HARBI1: variants seen among roughly 807,000 people sequenced by gnomAD.
HARBI1 encodes the protein putative nuclease HARBI1.
A neutral mutation model predicts 25.3 loss-of-function variants in HARBI1; 15 were observed. The observed-to-expected ratio is 0.59, with a 90% CI of 0.40 to 0.91. The LOEUF is 0.91. Ranked by LOEUF, HARBI1 falls within the 40% of genes least tolerant of loss-of-function variation. HARBI1 has a pLI of 0.00. For synonymous variants in HARBI1, 168 were observed against 160.5 expected (o/e 1.05, Z -0.35); for missense variants, 396 against 445.8 (o/e 0.89, Z 1.01).
intron 2 of HARBI1, among the ~76,000 whole-genome samples, chr11:46,606,873 C>T (rs746311683): frequency 8.5e-5 from 13 of 152,160 alleles, no homozygotes; most frequent in Non-Finnish European, 1.9e-4. Context: ...AACTCCTGGC[C>T]TCAAGCATTC....
In HARBI1 at chr11:46,615,779, C is replaced by A; in HGVS notation, c.459G>T (p.Val153=). The change falls in exon 2 of 3, where the codon GTG becomes GTT. Residue 153 remains valine, a synonymous_variant. Transcript: ENST00000326737. ...GVMGVVDCIH[V]AIKAPNAEDL... ...CTTCAGCATTTGGTGCCTTGATGGC[C>A]ACATGGATACAGTCAACCACCCCCA... 6.2e-7 allele frequency: 1 copy of A among 1,614,196 alleles called. No individual in the cohort carries two copies. The highest frequency in any genetic ancestry group is 8.5e-7 in the Non-Finnish European group (1 of 1,180,032).
At chr11:46,612,093 A>G (rs1003095586) in intron 2 of HARBI1, among the ~76,000 whole-genome samples, 2 of 152,194 alleles carry the variant, frequency 1.3e-5, no homozygotes, top group African/African-American at 4.8e-5. Context: ...CATGTTAAAG[A>G]GAAGTATTTC....
chr11:46,617,542 C>T (rs1242481952), upstream of HARBI1: 9 of 168,402 alleles, frequency 5.3e-5, 1 homozygote, highest in South Asian at 7.8e-4. Context: ...CCTCTTTCAC[C>T]CCCCCCCCCC....
At chr11:46,615,253 GCT>G (rs2045333320) in intron 2 of HARBI1, among the ~76,000 whole-genome samples, 1 of 144,636 alleles carries the variant, frequency 6.9e-6, no homozygotes, top group Non-Finnish European at 1.5e-5. Context: ...TGGAGTTTTT[GCT>G]CTGTTGCCCA....
At chr11:46,606,771 T>C (rs2044969985) in intron 2 of HARBI1, among the ~76,000 whole-genome samples, 1 of 151,688 alleles carries the variant, frequency 6.6e-6, no homozygotes, top group East Asian at 1.9e-4. Context: ...CCCTCCTGAG[T>C]AGCTGGGATT....
chr11:46,612,692 CAG>C (rs1161530596), intron 2 of HARBI1, among the ~76,000 whole-genome samples: 6 of 144,120 alleles, frequency 4.2e-5, no homozygotes, highest in Non-Finnish European at 9.0e-5. Context: ...TTTTTTGAGA[CAG>C]AGTTTCGTTC....
chr11:46,613,124 C>A (rs964508170), intron 2 of HARBI1, among the ~76,000 whole-genome samples: 6 of 151,702 alleles, frequency 4.0e-5, no homozygotes, highest in African/African-American at 9.7e-5. Flanking sequence ...GGACTACAGG[C>A]ATGCGCCACC....
chr11:46,616,254 G>A lies in HARBI1; in HGVS notation c.-17C>T, dbSNP rs778701567. On this transcript the variant is annotated 5_prime_UTR_variant, in exon 2 of 3. Transcript: ENST00000326737. The stretch of plus-strand genomic sequence containing the variant: ...TATAGCCATGGTAAATGTGAATGTT[G>A]GCTCTCCTCTTTGCTTTTTCTGAAC... 1 of 1,589,654 alleles carries A rather than the reference G, an allele frequency of 6.3e-7. No homozygotes were observed. The highest frequency in any genetic ancestry group is 8.5e-7 in the Non-Finnish European group (1 of 1,170,768).
At position 46,603,405 on chromosome 11, in the gene HARBI1, A is replaced by T; in HGVS notation, c.*125T>A. ...CCAACCTTACCAAAACACACATATT[A>T]AATGTCAGTTTATGACAAGTATCTG... is the stretch of plus-strand genomic sequence containing the variant. On this transcript the variant is annotated 3_prime_UTR_variant, in exon 3 of 3. Coordinates refer to ENST00000326737, the MANE Select transcript of HARBI1 (RefSeq NM_173811.4). 1.2e-6 allele frequency: 1 copy of T among 863,032 alleles called. No homozygotes were observed. Among genetic ancestry groups the T allele is most frequent in the Non-Finnish European group, 1.8e-6 (1 of 553,390 alleles). The allele number at this position is 863,032 out of a possible 1,614,324, so 53.5% of individuals were successfully genotyped here.
intron 2 of HARBI1, among the ~76,000 whole-genome samples, chr11:46,606,730 A>C (rs994666610): frequency 6.6e-5 from 10 of 151,148 alleles, no homozygotes; most frequent in Non-Finnish European, 1.3e-4. Flanking sequence ...GCAACCTCAA[A>C]CTCCTGAGCT....
chr11:46,617,770 G>T, upstream of HARBI1: 1 of 399,096 alleles, frequency 2.5e-6, no homozygotes, highest in Non-Finnish European at 4.4e-6. Flanking sequence ...TATCGGCGAC[G>T]TGTACGGTCA....
chr11:46,611,101 G>A (rs966503698), intron 2 of HARBI1, among the ~76,000 whole-genome samples: 5 of 144,962 alleles, frequency 3.4e-5, no homozygotes, highest in Admixed American at 7.5e-5. Flanking sequence ...TCCACCTCCC[G>A]GGTTCACGCC....
In HARBI1 at chr11:46,615,703, C is replaced by T. The variant is rs1343428133; in HGVS notation, c.535G>A (p.Val179Met). The T allele has an allele frequency of 2.5e-6, 4 of 1,614,184 alleles. No homozygotes were observed. Among genetic ancestry groups the T allele is most frequent in the Non-Finnish European group, 3.4e-6 (4 of 1,180,034 alleles). ...KGLHSLNCLMVCDIRGTLMTV... is the reference protein window; with the variant it reads ...KGLHSLNCLMMCDIRGTLMTV... ...ATTAGTGTCCCTCTAATGTCACACA[C>T]CATCAGGCAGTTTAAAGAATGCAGG... Residue 179 changes from valine to methionine, a missense_variant, in exon 2 of 3, where the codon GTG (valine) becomes ATG (methionine). By Grantham distance (21) the Val-to-Met change is conservative. Transcript: ENST00000326737.
At position 46,603,768 on chromosome 11, in the gene HARBI1, A is replaced by G. The variant is rs1328956164; in HGVS notation, c.812T>C (p.Phe271Ser). ...CCCCTTGGATCCATCCAGGCAGCGGAATCGGGAGCAGAGGGTTCGGAAAGT... is the reference window on the plus strand; with the variant it reads ...CCCCTTGGATCCATCCAGGCAGCGGGATCGGGAGCAGAGGGTTCGGAAAGT... ...EKTFRTLCSR[F>S]RCLDGSKGAL... Residue 271 changes from phenylalanine (F) to serine (S), a missense_variant, in exon 3 of 3, where the codon TTC becomes TCC. By Grantham distance (155) the Phe-to-Ser change is radical (BLOSUM62 -2). Transcript: ENST00000326737. The G allele has an allele frequency of 6.2e-7, 1 of 1,614,170 alleles. No individual in the cohort carries two copies. The highest frequency in any genetic ancestry group is 2.2e-5 in the East Asian group (1 of 44,882).
intron 2 of HARBI1, among the ~76,000 whole-genome samples, chr11:46,608,206 G>A (rs544550390): frequency 8.5e-5 from 13 of 152,270 alleles, no homozygotes; most frequent in African/African-American, 2.9e-4. Flanking sequence ...GCTGAGGCAG[G>A]AGAATTGCTT....
At chr11:46,607,991 G>A (rs1488109463) in intron 2 of HARBI1, among the ~76,000 whole-genome samples, 1 of 151,826 alleles carries the variant, frequency 6.6e-6, no homozygotes, top group African/African-American at 2.4e-5. Flanking sequence ...CAAACCTAAG[G>A]GTTGTTTCTT....
rs2045199088 is a variant in HARBI1 at position 46,611,938 on chromosome 11, C to G, written c.670+3630G>C. ...CCAGTAGAGTAGCAAGAAGGTGGTGCACTAAAAATAGTACGGAGAAGCAAC... is the reference window on the plus strand; with the variant it reads ...CCAGTAGAGTAGCAAGAAGGTGGTGGACTAAAAATAGTACGGAGAAGCAAC... On this transcript the variant is annotated intron_variant, in intron 2 of 2. Coordinates refer to ENST00000326737, the MANE Select transcript of HARBI1 (RefSeq NM_173811.4). Among the ~76,000 whole-genome samples the G allele has an allele frequency of 1.3e-5, 2 of 152,068 alleles. 1 individual carries two copies. The highest frequency in any genetic ancestry group is 4.1e-4 in the South Asian group (2 of 4,822).
chr11:46,617,071 A>G, intron 1 of HARBI1, 53 bp downstream of exon 1: 1 of 917,016 alleles, frequency 1.1e-6, no homozygotes, highest in Non-Finnish European at 1.3e-6. Context: ...CTAAAAACGG[A>G]TGTCAAAGTC....
At position 46,616,345 on chromosome 11, in the gene HARBI1, CCA is replaced by C; in HGVS notation, c.-110_-109del. On this transcript the variant is annotated 5_prime_UTR_variant, in exon 2 of 3. The change abolishes the stop of an existing upstream ORF in the 5' untranslated region. Coordinates refer to ENST00000326737, the MANE Select transcript of HARBI1 (RefSeq NM_173811.4). ...GAAAGTATCAGAATCCAACAGCTAA[CCA>C]CAGTTAAATGGCTCTGCCATTTATA... 3.4e-6 allele frequency: 5 copies of C among 1,492,340 alleles called. No individual in the cohort carries two copies. Among genetic ancestry groups the C allele is most frequent in the Non-Finnish European group, 4.4e-6 (5 of 1,130,778 alleles). 92.4% of individuals were successfully genotyped at this position (1,492,340 alleles called of 1,614,324 possible). A position where few individuals can be genotyped will look rare whatever the true frequency, so the allele number is the denominator to read the frequency against.
Sources: gnomAD v4.1 joint callset for allele counts (sites outside exome capture counted in the v4.1 genomes callset) on GRCh38, gnomAD v4.1.1 for gene constraint, MANE v1.5 for transcripts, NCBI Gene and HGNC (gene_info 2026-07-23, HGNC 2026-07-21) for gene names.